The following IQSEC1 variants were observed in gnomAD, a reference collection of about 807,000 sequenced individuals.
IQSEC1 encodes IQ motif and Sec7 domain ArfGEF 1, also known as IQ motif and SEC7 domain-containing protein 1.
A neutral mutation model predicts 91.0 loss-of-function variants in IQSEC1; 31 were observed. The observed-to-expected ratio is 0.34, with a 90% CI of 0.26 to 0.46. The LOEUF (loss-of-function observed/expected upper bound fraction) is 0.46. Ranked by LOEUF, IQSEC1 falls within the 20% of genes least tolerant of loss-of-function variation. The pLI is 1.00. For missense variants in IQSEC1, 1,388 were observed against 1,575.6 expected, an observed-to-expected ratio of 0.88 and a Z score of 2.02; for synonymous variants, 699 against 662.6, an observed-to-expected ratio of 1.05 and a Z score of -0.84.
chr3:13,177,912 T>C (rs1037041033), intron 1 of IQSEC1, among the ~76,000 whole-genome samples: 1 of 152,184 alleles, frequency 6.6e-6, no homozygotes, highest in African/African-American at 2.4e-5. Context: ...AGGGTACAGA[T>C]GGAACTCCCA....
chr3:13,004,772 A>T (rs1449690728), intron 1 of IQSEC1, among the ~76,000 whole-genome samples: 2 of 151,848 alleles, frequency 1.3e-5, no homozygotes, highest in African/African-American at 4.8e-5. Context: ...TCAAGGGGGG[A>T]GGCTAATTCA....
intron 1 of IQSEC1, among the ~76,000 whole-genome samples, chr3:13,062,431 T>C (rs185651944): frequency 2.6e-5 from 4 of 152,348 alleles, no homozygotes; most frequent in African/African-American, 4.8e-5. Flanking sequence ...AGAGAGGTTG[T>C]CTTCTGCCCC....
At position 12,899,450 on chromosome 3, in the gene IQSEC1, C is replaced by T. The variant is rs747212966; in HGVS notation, c.*1533G>A. Reference sequence around the variant, plus strand: ...AAGGCTGAAACTACAAAGTATGGCCCGTGGGTGACTCGGGCACAGACCTGC... The same window carrying T: ...AAGGCTGAAACTACAAAGTATGGCCTGTGGGTGACTCGGGCACAGACCTGC... On this transcript the variant is annotated 3_prime_UTR_variant, in exon 14 of 14. Coordinates refer to ENST00000613206, the MANE Select transcript of IQSEC1 (RefSeq NM_001134382.3). The T allele has an allele frequency of 2.7e-5, 43 of 1,607,090 alleles. No homozygotes were observed. The highest frequency in any genetic ancestry group is 4.4e-5 in the South Asian group (4 of 90,024).
At chr3:13,199,508 G>A (rs986386418) in intron 1 of IQSEC1, among the ~76,000 whole-genome samples, 2 of 152,158 alleles carry the variant, frequency 1.3e-5, no homozygotes, top group Non-Finnish European at 2.9e-5. Context: ...CCACAGCCCA[G>A]CTCTGAGCAG....
chr3:12,988,714 TCA>T (rs1201500846), intron 1 of IQSEC1, among the ~76,000 whole-genome samples: 3 of 152,206 alleles, frequency 2.0e-5, no homozygotes, highest in Non-Finnish European at 2.9e-5. Flanking sequence ...TGGGCAATGC[TCA>T]GTCTCTTGAC....
At chr3:13,254,136 T>G (rs1319890441) in intron 1 of IQSEC1, among the ~76,000 whole-genome samples, 5 of 152,256 alleles carry the variant, frequency 3.3e-5, no homozygotes, top group African/African-American at 4.8e-5. Flanking sequence ...CGCTGCCCTC[T>G]GACCTCACTT....
chr3:13,100,831 C>G (rs568419679), intron 2 of IQSEC1, among the ~76,000 whole-genome samples: 1 of 148,872 alleles, frequency 6.7e-6, no homozygotes, highest in East Asian at 1.9e-4. Flanking sequence ...TCGGGGGGAC[C>G]GACAGGAAAC....
At chr3:13,093,177 G>A (rs1705892892) in intron 2 of IQSEC1, among the ~76,000 whole-genome samples, 1 of 152,036 alleles carries the variant, frequency 6.6e-6, no homozygotes, top group Non-Finnish European at 1.5e-5. Context: ...CTGGGGAGGC[G>A]AGAGGATACA....
intron 1 of IQSEC1, among the ~76,000 whole-genome samples, chr3:13,237,659 C>T (rs1326408219): frequency 6.6e-6 from 1 of 152,226 alleles, no homozygotes; most frequent in Non-Finnish European, 1.5e-5. Flanking sequence ...CAGGACTTCC[C>T]ACAAGCAGCC....
intron 1 of IQSEC1, among the ~76,000 whole-genome samples, chr3:13,183,464 G>T (rs1318112400): frequency 2.6e-5 from 4 of 151,768 alleles, no homozygotes; most frequent in Non-Finnish European, 4.4e-5. Context: ...TACTTGGGAG[G>T]CTGAGGCAGG....
intron 1 of IQSEC1, among the ~76,000 whole-genome samples, chr3:13,232,886 C>T (rs1012896202): frequency 1.3e-5 from 2 of 152,054 alleles, no homozygotes; most frequent in African/African-American, 4.8e-5. Context: ...GAAATAAGCC[C>T]GTCACGAAAC....
At chr3:13,267,659 C>T (rs577518876) in intron 1 of IQSEC1, among the ~76,000 whole-genome samples, 44 of 150,652 alleles carry the variant, frequency 2.9e-4, no homozygotes, top group African/African-American at 9.6e-4. Flanking sequence ...GCTCTGTCGC[C>T]CAGGCTGGAG....
chr3:13,054,728 G>A (rs148833774), intron 1 of IQSEC1, among the ~76,000 whole-genome samples: 2 of 152,304 alleles, frequency 1.3e-5, no homozygotes, highest in African/African-American at 4.8e-5. Context: ...GAAAGCCACC[G>A]TGTCACCTTG....
intron 2 of IQSEC1, among the ~76,000 whole-genome samples, chr3:13,112,102 C>T (rs1464474086): frequency 6.6e-6 from 1 of 152,208 alleles, no homozygotes; most frequent in Non-Finnish European, 1.5e-5. Flanking sequence ...CCCAGCTGGA[C>T]TCCTACTCAG....
intron 1 of IQSEC1, among the ~76,000 whole-genome samples, chr3:13,270,722 G>A (rs1695578027): frequency 6.6e-6 from 1 of 152,148 alleles, no homozygotes; most frequent in Non-Finnish European, 1.5e-5. Flanking sequence ...AGTAATGGAG[G>A]AATATAGGAA....
chr3:12,915,840 C>T, intron 6 of IQSEC1, 107 bp from the exon 7 acceptor site: 1 of 1,287,660 alleles, frequency 7.8e-7, no homozygotes, highest in Non-Finnish European at 1.1e-6. Flanking sequence ...CCCAACAGAA[C>T]CAAAGAACTC....
intron 1 of IQSEC1, among the ~76,000 whole-genome samples, chr3:13,043,043 T>TCGC (rs1255321186): frequency 6.6e-6 from 1 of 151,002 alleles, no homozygotes; most frequent in Non-Finnish European, 1.5e-5. Flanking sequence ...ACTGACAGGG[T>TCGC]CGCCCAGCGC....
intron 1 of IQSEC1, among the ~76,000 whole-genome samples, chr3:13,275,684 C>T (rs1044474082): frequency 1.3e-5 from 2 of 152,246 alleles, no homozygotes; most frequent in Non-Finnish European, 2.9e-5. Context: ...ACCACTTGGC[C>T]CCCTTCCTCC....
intron 2 of IQSEC1, among the ~76,000 whole-genome samples, chr3:13,134,066 G>A (rs1458347826): frequency 1.3e-5 from 2 of 152,150 alleles, no homozygotes; most frequent in Non-Finnish European, 2.9e-5. Flanking sequence ...ATGGGTCAGT[G>A]GAAAGAAAAA....
Sources: gnomAD v4.1 joint callset for allele counts (sites outside exome capture counted in the v4.1 genomes callset) on GRCh38, gnomAD v4.1.1 for gene constraint, MANE v1.5 for transcripts, NCBI Gene and HGNC (gene_info 2026-07-23, HGNC 2026-07-21) for gene names.